CSMD3: variants seen among roughly 807,000 people sequenced by gnomAD.
CSMD3 encodes the protein CUB and sushi domain-containing protein 3.
A neutral mutation model predicts 435.2 loss-of-function variants in CSMD3; 177 were observed. The observed-to-expected ratio is 0.41, with a 90% CI of 0.36 to 0.46. The LOEUF (loss-of-function observed/expected upper bound fraction) is 0.46. Among genes scored for constraint, CSMD3 ranks in the 20% least tolerant of loss-of-function variants. The probability of loss-of-function intolerance (pLI) is 0.34; values close to 1 mark genes in which losing one functional copy is unlikely to be tolerated. For missense variants in CSMD3, 4,265 were observed against 4,504.6 expected, an observed-to-expected ratio of 0.95 and a Z score of 1.52; for synonymous variants, 1,656 against 1,520.5, an observed-to-expected ratio of 1.09 and a Z score of -2.07.
chr8:113,168,039 T>C (rs1289593327), intron 4 of CSMD3, among the ~76,000 whole-genome samples: 1 of 152,082 alleles, frequency 6.6e-6, no homozygotes, highest in African/African-American at 2.4e-5. Context: ...GAACTTTTAA[T>C]ACATGGTTCA....
chr8:112,610,913 G>A (rs998963069), intron 22 of CSMD3, among the ~76,000 whole-genome samples: 25 of 152,082 alleles, frequency 1.6e-4, no homozygotes, highest in African/African-American at 6.0e-4. Context: ...GAAGCTTCAT[G>A]CTTTCTTCCT....
chr8:113,219,854 C>T (rs2092946740), intron 3 of CSMD3, among the ~76,000 whole-genome samples: 1 of 151,368 alleles, frequency 6.6e-6, no homozygotes, highest in African/African-American at 2.4e-5. Context: ...AATGATGTGA[C>T]AGTCTGGAAA....
intron 13 of CSMD3, among the ~76,000 whole-genome samples, chr8:112,791,660 T>C (rs1048273676): frequency 7.9e-5 from 12 of 152,144 alleles, no homozygotes; most frequent in African/African-American, 2.2e-4. Flanking sequence ...TTGTTTCCAG[T>C]TTGTAGAAAT....
chr8:112,499,654 T>C (rs1269423110), intron 30 of CSMD3, among the ~76,000 whole-genome samples: 2 of 152,158 alleles, frequency 1.3e-5, no homozygotes, highest in African/African-American at 2.4e-5. Flanking sequence ...TTTATTTTGA[T>C]AGTTTGAAAT....
At chr8:112,548,871 A>T (rs1827425597) in intron 27 of CSMD3, among the ~76,000 whole-genome samples, 1 of 152,098 alleles carries the variant, frequency 6.6e-6, no homozygotes, top group Non-Finnish European at 1.5e-5. Context: ...AAAAAAACTT[A>T]TGAAGGCAGA....
At chr8:112,697,243 T>C (rs897142419) in intron 13 of CSMD3, among the ~76,000 whole-genome samples, 11 of 152,154 alleles carry the variant, frequency 7.2e-5, no homozygotes, top group African/African-American at 1.9e-4. Flanking sequence ...ACCCAAAGGA[T>C]TATAAATCAT....
At position 112,661,461 on chromosome 8, in the gene CSMD3, A is replaced by G. The variant is rs1319469835; in HGVS notation, c.2816+4816T>C. Among the ~76,000 whole-genome samples, 3 of 152,182 alleles carry G rather than the reference A, an allele frequency of 2.0e-5. No individual in the cohort carries two copies. In the East Asian group the frequency reaches 5.8e-4, roughly 29 times the overall value. On this transcript the variant is annotated intron_variant, in intron 17 of 70. Transcript: ENST00000297405. ...TGCCTTCAAACAAAAGTCCAAAATC[A>G]AATGTCAGAGTACGGATGCCCTCTG...
At chr8:113,342,861 T>C (rs892626828) in intron 1 of CSMD3, among the ~76,000 whole-genome samples, 1 of 151,632 alleles carries the variant, frequency 6.6e-6, no homozygotes, top group African/African-American at 2.4e-5. Flanking sequence ...CATACTGTTA[T>C]TATATATTAT....
intron 2 of CSMD3, among the ~76,000 whole-genome samples, chr8:113,294,183 G>T (rs1463966344): frequency 2.0e-5 from 3 of 151,928 alleles, no homozygotes; most frequent in Non-Finnish European, 4.4e-5. Flanking sequence ...AAACTATCTT[G>T]AAAAGGAAAT....
intron 31 of CSMD3, among the ~76,000 whole-genome samples, chr8:112,478,934 T>C (rs914412547): frequency 6.6e-6 from 1 of 152,174 alleles, no homozygotes; most frequent in Non-Finnish European, 1.5e-5. Flanking sequence ...GACCCAGCTA[T>C]GCACAGAGGA....
chr8:112,731,881 A>G (rs1270869532), intron 13 of CSMD3, among the ~76,000 whole-genome samples: 1 of 152,172 alleles, frequency 6.6e-6, no homozygotes, highest in Non-Finnish European at 1.5e-5. Flanking sequence ...TTTGAAAGAT[A>G]TATTATATCA....
At chr8:112,821,558 T>C (rs1021748089) in intron 12 of CSMD3, among the ~76,000 whole-genome samples, 1 of 152,202 alleles carries the variant, frequency 6.6e-6, no homozygotes, top group Non-Finnish European at 1.5e-5. Context: ...TAGATCTTTG[T>C]CGGATTGAAA....
chr8:112,261,224 T>C lies in CSMD3; in HGVS notation c.9862+2415A>G, dbSNP rs574722214. Among the ~76,000 whole-genome samples, 155 of 152,242 alleles carry C rather than the reference T, an allele frequency of 1.0e-3. 1 individual carries two copies. Among genetic ancestry groups the C allele is most frequent in the Middle Eastern group, 6.8e-3 (2 of 294 alleles). ...GTGCACCTAATAGTTTGTCTTCAGT[T>C]AGTCATCATAATTCTATGTCTATAA... On this transcript the variant is annotated intron_variant, in intron 61 of 70. Transcript: ENST00000297405.
At chr8:112,753,464 G>A (rs16884056) in intron 13 of CSMD3, among the ~76,000 whole-genome samples, 3,872 of 152,128 alleles carry the variant, frequency 0.025, 78 homozygotes, top group East Asian at 0.074. Context: ...TCGGCAGCAG[G>A]GTCAGGGTTG....
intron 12 of CSMD3, among the ~76,000 whole-genome samples, chr8:112,809,338 G>T (rs2079166094): frequency 1.3e-5 from 2 of 152,118 alleles, no homozygotes; most frequent in African/African-American, 4.8e-5. Flanking sequence ...AAGTGCTCTT[G>T]ATGATCCACA....
At position 112,263,855 on chromosome 8, in the gene CSMD3, T is replaced by A. The variant is rs752356410; in HGVS notation, c.9689-43A>T. On this transcript the variant is annotated intron_variant, in intron 60 of 70. Coordinates refer to ENST00000297405, the MANE Select transcript of CSMD3 (RefSeq NM_198123.2). ...GTGATTAGACACAGCTGTTGAAATATCCTGAGCCTTAAAGATATAAATAAA... is the reference window on the plus strand; with the variant it reads ...GTGATTAGACACAGCTGTTGAAATAACCTGAGCCTTAAAGATATAAATAAA... 26 of 1,525,928 alleles carry A rather than the reference T, an allele frequency of 1.7e-5. No homozygotes were observed. The Middle Eastern group carries it at 6.8e-4, about 40-fold the overall frequency. 94.5% of individuals were successfully genotyped at this position (1,525,928 alleles called of 1,614,324 possible).
intron 12 of CSMD3, among the ~76,000 whole-genome samples, chr8:112,803,053 T>C (rs889881715): frequency 1.8e-4 from 27 of 152,072 alleles, no homozygotes; most frequent in Non-Finnish European, 3.4e-4. Flanking sequence ...TTATGATTCT[T>C]TGACCTCATC....
chr8:112,405,874 T>TA (rs1432569638), intron 35 of CSMD3, among the ~76,000 whole-genome samples: 1 of 151,970 alleles, frequency 6.6e-6, no homozygotes, highest in Non-Finnish European at 1.5e-5. Context: ...CTTTTAAAAA[T>TA]AAAAAATAAT....
intron 2 of CSMD3, chr8:113,311,962 T>C (rs2093872705): frequency 6.6e-6 from 1 of 152,152 alleles, no homozygotes. Context: ...AATAAATTTG[T>C]AGCTTACCTT....
Sources: gnomAD v4.1 joint callset for allele counts (sites outside exome capture counted in the v4.1 genomes callset) on GRCh38, gnomAD v4.1.1 for gene constraint, MANE v1.5 for transcripts, NCBI Gene and HGNC (gene_info 2026-07-23, HGNC 2026-07-21) for gene names.